IRAK2: variants seen among roughly 807,000 people sequenced by gnomAD.
IRAK2 encodes interleukin-1 receptor-associated kinase-like 2.
A neutral mutation model predicts 72.0 loss-of-function variants in IRAK2; 57 were observed. The ratio of observed to expected loss-of-function variants is 0.79; its 90% CI spans 0.64 to 0.99. The LOEUF (loss-of-function observed/expected upper bound fraction) is 0.99, where lower values mean the gene tolerates loss of function less well. Ranked by LOEUF, IRAK2 falls within the 50% of genes least tolerant of loss-of-function variation. The pLI, the probability that IRAK2 is intolerant of heterozygous loss-of-function variation, is 0.00. For missense variants in IRAK2, 790 were observed against 794.4 expected (o/e 0.99, Z 0.07); for synonymous variants, 293 against 312.7 (o/e 0.94, Z 0.67).
rs1319696367 is a variant in IRAK2, at chr3:10,222,774, G to T, written c.1152G>T (p.Glu384Asp). 3 of 1,614,208 alleles carry T rather than the reference G, an allele frequency of 1.9e-6. No homozygotes were observed. In the East Asian group the frequency reaches 6.7e-5, roughly 36 times the overall value. Residue 384 changes from glutamate (E) to aspartate (D), a missense_variant, in exon 9 of 13, where the codon GAG becomes GAT. Coordinates refer to ENST00000256458, the MANE Select transcript of IRAK2 (RefSeq NM_001570.4). ...GGACGTCAGCCGCGTATCTGCCAGA[G>T]GATTTCATCCGGGTGGGGCAGCTGA... is the stretch of plus-strand genomic sequence containing the variant. ...LLRTSAAYLPEDFIRVGQLTK... is the reference protein window; with the variant it reads ...LLRTSAAYLPDDFIRVGQLTK...
intron 3 of IRAK2, among the ~76,000 whole-genome samples, chr3:10,208,640 G>A (rs1404556637): frequency 2.0e-5 from 3 of 151,798 alleles, no homozygotes; most frequent in Non-Finnish European, 4.4e-5. Flanking sequence ...GCGGGCGCCT[G>A]TAGTCCCAGC....
chr3:10,193,964 A>G (rs1451191134), intron 2 of IRAK2, among the ~76,000 whole-genome samples: 1 of 152,098 alleles, frequency 6.6e-6, no homozygotes. Context: ...ATAGCCTTCC[A>G]CCCTAAATGC....
rs922395111 is a variant in IRAK2 at position 10,189,394 on chromosome 3, G to A, written c.278-10975G>A. Among the ~76,000 whole-genome samples the A allele has an allele frequency of 3.9e-5, 6 of 152,238 alleles. 1 individual carries two copies. The highest frequency in any genetic ancestry group is 5.9e-5 in the Non-Finnish European group (4 of 68,046). ...CCGCCAAGAGTTTGCTTTCACCGGA[G>A]AGTGAAGGGAAGACGTTGGAGGGCT... is the stretch of plus-strand genomic sequence containing the variant. On this transcript the variant is annotated intron_variant, in intron 2 of 12. Coordinates refer to ENST00000256458, the MANE Select transcript of IRAK2 (RefSeq NM_001570.4).
intron 1 of IRAK2, among the ~76,000 whole-genome samples, chr3:10,176,757 G>A (rs192068707): frequency 5.9e-5 from 9 of 151,802 alleles, no homozygotes; most frequent in East Asian, 1.9e-4. Flanking sequence ...GATTACAGGC[G>A]TAAGCCACTG....
chr3:10,166,803 C>T (rs1295940888), intron 1 of IRAK2, among the ~76,000 whole-genome samples: 1 of 152,214 alleles, frequency 6.6e-6, no homozygotes, highest in African/African-American at 2.4e-5. Flanking sequence ...TGCCACCACG[C>T]CCACTAATTT....
intron 2 of IRAK2, among the ~76,000 whole-genome samples, chr3:10,182,036 T>C (rs1224209895): frequency 6.6e-6 from 1 of 150,670 alleles, no homozygotes; most frequent in Non-Finnish European, 1.5e-5. Flanking sequence ...GGCGCAATCT[T>C]GGCTCACCGC....
At chr3:10,184,669 G>A (rs1445105869) in intron 2 of IRAK2, among the ~76,000 whole-genome samples, 1 of 150,894 alleles carries the variant, frequency 6.6e-6, no homozygotes. Context: ...AACAAATCTG[G>A]CAGAGGAGCA....
At chr3:10,181,019 G>A (rs1457138583) in intron 2 of IRAK2, among the ~76,000 whole-genome samples, 1 of 152,176 alleles carries the variant, frequency 6.6e-6, no homozygotes, top group Non-Finnish European at 1.5e-5. Context: ...CTTCTGCACA[G>A]GCTGGACCCT....
At chr3:10,181,142 T>G (rs995882765) in intron 2 of IRAK2, among the ~76,000 whole-genome samples, 1 of 151,998 alleles carries the variant, frequency 6.6e-6, no homozygotes, top group Non-Finnish European at 1.5e-5. Context: ...AAGCACACCT[T>G]CCTCCTCAGA....
At chr3:10,192,229 T>TCC (rs1697187558) in intron 2 of IRAK2, among the ~76,000 whole-genome samples, 1 of 152,334 alleles carries the variant, frequency 6.6e-6, no homozygotes, top group African/African-American at 2.4e-5. Context: ...AAGGGATCTA[T>TCC]TCTGGCCACA....
intron 3 of IRAK2, among the ~76,000 whole-genome samples, chr3:10,203,020 G>A (rs1697385267): frequency 6.6e-6 from 1 of 150,516 alleles, no homozygotes; most frequent in Non-Finnish European, 1.5e-5. Context: ...TTTGGCAGTG[G>A]GATGGAATCT....
intron 1 of IRAK2, among the ~76,000 whole-genome samples, chr3:10,175,907 A>AAAAAAAG (rs1696866536): frequency 6.7e-6 from 1 of 149,296 alleles, no homozygotes; most frequent in African/African-American, 2.5e-5. Flanking sequence ...AAAAAAAAAA[A>AAAAAAAG]AAAAAAGAAA....
intron 1 of IRAK2, among the ~76,000 whole-genome samples, chr3:10,172,739 G>A (rs1424054399): frequency 6.8e-6 from 1 of 148,070 alleles, no homozygotes; most frequent in African/African-American, 2.5e-5. Flanking sequence ...TCGGGAGGCT[G>A]AGGTAGGAGA....
At position 10,225,611 on chromosome 3, in the gene IRAK2, C is replaced by G. The variant is rs1697760865; in HGVS notation, c.1210-760C>G. 2.6e-5 allele frequency among the ~76,000 whole-genome samples: 4 copies of G among 152,026 alleles called. No individual in the cohort carries two copies. The South Asian group carries it at 8.3e-4, about 32-fold the overall frequency. The stretch of plus-strand genomic sequence containing the variant: ...ATGCTATGGATGCTGCAAGATTTGT[C>G]TAGAATAGATACCTGCCTGCATGCA... On this transcript the variant is annotated intron_variant, in intron 9 of 12. Transcript: ENST00000256458.
In IRAK2 at chr3:10,176,183, A is replaced by G. The variant is rs542758093; in HGVS notation, c.95-1655A>G. ...GGTAGCTCCCTGCAAGTTTTGTCCC[A>G]TACTTCAGAATTGGCAAAGTATTTT... is the stretch of plus-strand genomic sequence containing the variant. On this transcript the variant is annotated intron_variant, in intron 1 of 12. Transcript: ENST00000256458. Among the ~76,000 whole-genome samples, 12 of 150,412 alleles carry G rather than the reference A, an allele frequency of 8.0e-5. No homozygotes were observed. The South Asian group carries it at 1.5e-3, about 18-fold the overall frequency.
rs576718869 is a variant in IRAK2 at position 10,192,021 on chromosome 3, G to A, written c.278-8348G>A. Among the ~76,000 whole-genome samples, 339 of 117,552 alleles carry A rather than the reference G, an allele frequency of 2.9e-3. 3 individuals carry two copies. The highest frequency in any genetic ancestry group is 0.012 in the African/African-American group (302 of 25,676). 77.1% of individuals were successfully genotyped at this position (117,552 alleles called of 152,430 possible). On this transcript the variant is annotated intron_variant, in intron 2 of 12. Transcript: ENST00000256458. ...CTCATTTCAGGTCTAGCTTGAGTTG[G>A]GAGTGTGTGTGTGTGTGTGTGTGTG...
At chr3:10,233,386 G>A (rs1228517334) in intron 10 of IRAK2, among the ~76,000 whole-genome samples, 1 of 151,910 alleles carries the variant, frequency 6.6e-6, no homozygotes, top group Non-Finnish European at 1.5e-5. Flanking sequence ...TAGTATGTTT[G>A]TAACATTCAT....
intron 4 of IRAK2, among the ~76,000 whole-genome samples, chr3:10,212,710 C>A (rs986663254): frequency 1.3e-5 from 2 of 151,612 alleles, no homozygotes; most frequent in Non-Finnish European, 2.9e-5. Flanking sequence ...CACCCAAGGT[C>A]ACAGAGCAAG....
intron 2 of IRAK2, among the ~76,000 whole-genome samples, chr3:10,184,902 T>TA (rs138295200): frequency 0.12 from 17,798 of 144,324 alleles, 4,019 homozygotes; most frequent in African/African-American, 0.43. Flanking sequence ...GCTATTTTTT[T>TA]ATTTTTTTTT....
Sources: allele counts gnomAD v4.1 joint callset (sites outside exome capture counted in the v4.1 genomes callset), GRCh38; gene constraint gnomAD v4.1.1; transcripts MANE v1.5; gene names NCBI Gene and HGNC (gene_info 2026-07-23, HGNC 2026-07-21).